Variants in BNC2 observed in about 807,000 individuals in gnomAD.
BNC2 encodes the protein basonuclin zinc finger protein 2, also known as zinc finger protein basonuclin-2.
In BNC2, 20 loss-of-function variants were observed where a neutral mutation model predicts 76.3. The ratio of observed to expected loss-of-function variants is 0.26; its 90% confidence interval spans 0.18 to 0.38. BNC2 has a LOEUF of 0.38. BNC2 is among the 10% of genes least tolerant of loss of function. The pLI is 1.00. For synonymous variants in BNC2, 582 were observed against 514.8 expected (o/e 1.13, Z -1.77); for missense variants, 1,382 against 1,399.8 (o/e 0.99, Z 0.20).
rs141199843 is a variant in BNC2, at chr9:16,675,336, C to T, written c.330+52461G>A. 4.9e-4 allele frequency among the ~76,000 whole-genome samples: 75 copies of T among 152,192 alleles called. 1 individual carries two copies. The East Asian group carries it at 0.014, about 29-fold the overall frequency. On this transcript the variant is annotated intron_variant, in intron 3 of 6. Coordinates refer to ENST00000380672, the MANE Select transcript of BNC2 (RefSeq NM_017637.6). ...GTAATGTGATATCGACTCACCACAA[C>T]CTCTGCCTCCGGGCTCAAGTGATGC...
intron 1 of BNC2, among the ~76,000 whole-genome samples, chr9:16,829,014 G>A (rs368471323): frequency 6.6e-6 from 1 of 152,150 alleles, no homozygotes; most frequent in East Asian, 1.9e-4. Context: ...GGGCTGGGCA[G>A]AGCAGAAGGG....
intron 1 of BNC2, among the ~76,000 whole-genome samples, chr9:16,805,924 T>C (rs991886643): frequency 2.6e-5 from 4 of 152,166 alleles, no homozygotes; most frequent in Admixed American, 2.6e-4. Flanking sequence ...AAATTTTTAG[T>C]GTAACAGTAT....
chr9:16,607,702 T>C (rs992195450), intron 3 of BNC2, among the ~76,000 whole-genome samples: 1 of 152,206 alleles, frequency 6.6e-6, no homozygotes, highest in South Asian at 2.1e-4. Context: ...ATGAGGTTCA[T>C]TTTAAGTCTT....
At chr9:16,585,050 C>G (rs1173804137) in intron 3 of BNC2, among the ~76,000 whole-genome samples, 2 of 152,000 alleles carry the variant, frequency 1.3e-5, no homozygotes, top group East Asian at 3.9e-4. Context: ...AATATAAACT[C>G]CAGCACAAAA....
chr9:16,744,270 A>C (rs1036430934), intron 1 of BNC2, among the ~76,000 whole-genome samples: 2 of 152,144 alleles, frequency 1.3e-5, no homozygotes, highest in African/African-American at 4.8e-5. Context: ...CGCCTGGCCT[A>C]GACTGCAGTT....
At chr9:16,739,896 C>T (rs10756800) in intron 1 of BNC2, among the ~76,000 whole-genome samples, 64,117 of 151,618 alleles carry the variant, frequency 0.42, 18,175 homozygotes, top group Non-Finnish European at 0.63. Context: ...GAATATATAG[C>T]AAGTTTAGTA....
chr9:16,527,475 C>A (rs1027371173), intron 5 of BNC2, among the ~76,000 whole-genome samples: 1 of 152,118 alleles, frequency 6.6e-6, no homozygotes, highest in Non-Finnish European at 1.5e-5. Context: ...TCAAACTGTA[C>A]GAAGTGTTCA....
At chr9:16,432,286 G>A (rs1238816273) in intron 6 of BNC2, among the ~76,000 whole-genome samples, 1 of 152,132 alleles carries the variant, frequency 6.6e-6, no homozygotes, top group South Asian at 2.1e-4. Flanking sequence ...CCCTTCCTCT[G>A]TGTCACTTTA....
chr9:16,624,585 A>T (rs1820942993), intron 3 of BNC2, among the ~76,000 whole-genome samples: 1 of 152,030 alleles, frequency 6.6e-6, no homozygotes, highest in Non-Finnish European at 1.5e-5. Context: ...AAGTGTTGAC[A>T]CTCTTCCTCA....
intron 3 of BNC2, among the ~76,000 whole-genome samples, chr9:16,713,251 A>C (rs1823901018): frequency 6.6e-6 from 1 of 152,172 alleles, no homozygotes; most frequent in African/African-American, 2.4e-5. Flanking sequence ...CTGCAAAGGG[A>C]TACTTACATA....
chr9:16,524,826 C>T (rs1026815323), intron 5 of BNC2, among the ~76,000 whole-genome samples: 1 of 152,166 alleles, frequency 6.6e-6, no homozygotes, highest in African/African-American at 2.4e-5. Flanking sequence ...GCAATCCCAG[C>T]ACTTTGGGAG....
intron 1 of BNC2, among the ~76,000 whole-genome samples, chr9:16,797,111 T>G (rs530078898): frequency 6.6e-6 from 1 of 152,248 alleles, no homozygotes; most frequent in East Asian, 1.9e-4. Flanking sequence ...TTACTATATC[T>G]TTCTCAGTGT....
At chr9:16,708,899 T>C (rs1168821242) in intron 3 of BNC2, among the ~76,000 whole-genome samples, 2 of 152,108 alleles carry the variant, frequency 1.3e-5, no homozygotes, top group Non-Finnish European at 2.9e-5. Context: ...TGGGTAGATG[T>C]CAGGGGACTC....
chr9:16,624,792 T>G (rs1820948608), intron 3 of BNC2, among the ~76,000 whole-genome samples: 1 of 152,248 alleles, frequency 6.6e-6, no homozygotes, highest in East Asian at 1.9e-4. Context: ...TAAGGTTTTT[T>G]TAATCCAACA....
rs1820600442 is a variant in BNC2 at position 16,417,134 on chromosome 9, A to C, written c.*1855T>G. ...TTGTTTATCTCTTCTTTTCCCCTCCACTTAAAAAAAAAGGAAAAAAGAAAA... is the reference window on the plus strand; with the variant it reads ...TTGTTTATCTCTTCTTTTCCCCTCCCCTTAAAAAAAAAGGAAAAAAGAAAA... On this transcript the variant is annotated 3_prime_UTR_variant, in exon 7 of 7. Transcript: ENST00000380672. The C allele has an allele frequency of 6.7e-6, 1 of 150,338 alleles. No individual in the cohort carries two copies. The highest frequency in any genetic ancestry group is 6.6e-5 in the Admixed American group (1 of 15,098). The allele number at this position is 150,338 out of a possible 1,614,324, so 9.3% of individuals were successfully genotyped here. A position where few individuals can be genotyped will look rare whatever the true frequency, so the allele number is the denominator to read the frequency against.
chr9:16,561,065 C>G (rs1022733212), intron 4 of BNC2, among the ~76,000 whole-genome samples: 5 of 151,946 alleles, frequency 3.3e-5, no homozygotes, highest in African/African-American at 1.2e-4. Flanking sequence ...ATAGTGAAAC[C>G]ACATCTCTAT....
chr9:16,659,418 G>C (rs920987467), intron 3 of BNC2, among the ~76,000 whole-genome samples: 1 of 151,958 alleles, frequency 6.6e-6, no homozygotes, highest in Admixed American at 6.6e-5. Flanking sequence ...GACCATCCTG[G>C]CCAACATGGT....
At chr9:16,821,524 T>C (rs1818329324) in intron 1 of BNC2, among the ~76,000 whole-genome samples, 1 of 152,224 alleles carries the variant, frequency 6.6e-6, no homozygotes, top group Non-Finnish European at 1.5e-5. Context: ...TTTATATGAC[T>C]ATAAAACATG....
chr9:16,805,018 C>T (rs566523486), intron 1 of BNC2, among the ~76,000 whole-genome samples: 8 of 152,052 alleles, frequency 5.3e-5, no homozygotes, highest in Non-Finnish European at 8.8e-5. Context: ...GCCGAGACCA[C>T]GCCATTGCAC....
Sources: allele counts gnomAD v4.1 joint callset (sites outside exome capture counted in the v4.1 genomes callset), GRCh38; gene constraint gnomAD v4.1.1; transcripts MANE v1.5; gene names NCBI Gene and HGNC (gene_info 2026-07-23, HGNC 2026-07-21).